NOL10: variants seen among roughly 807,000 people sequenced by gnomAD.
NOL10 encodes the protein H_NH0074G24.1.
A neutral mutation model predicts 103.5 loss-of-function variants in NOL10; 58 were observed. The observed-to-expected ratio is 0.56, with a 90% confidence interval of 0.45 to 0.70. The LOEUF (loss-of-function observed/expected upper bound fraction) is 0.70, where lower values mean the gene tolerates loss of function less well. NOL10 is among the 30% of genes least tolerant of loss of function. NOL10 has a pLI of 0.00. For synonymous variants in NOL10, 287 were observed against 282.5 expected, an observed-to-expected ratio of 1.02 and a Z score of -0.16; for missense variants, 763 against 807.3, an observed-to-expected ratio of 0.95 and a Z score of 0.67.
At chr2:10,643,011 T>G (rs1678818450) in intron 13 of NOL10, among the ~76,000 whole-genome samples, 1 of 152,218 alleles carries the variant, frequency 6.6e-6, no homozygotes, top group African/African-American at 2.4e-5. Flanking sequence ...ACACAGTTGA[T>G]GTAGTCCATA....
At chr2:10,678,772 T>C (rs1205085205) in intron 3 of NOL10, among the ~76,000 whole-genome samples, 5 of 152,086 alleles carry the variant, frequency 3.3e-5, no homozygotes, top group African/African-American at 1.2e-4. Context: ...CCAAATTAAA[T>C]GGAGAAGCAA....
Position 10,607,214 on chromosome 2 carries a change from A to C in NOL10, c.1124T>G (p.Phe375Cys). Residue 375 changes from phenylalanine (F) to cysteine (C), a missense_variant, in exon 14 of 21, where the codon TTT becomes TGT. Physicochemically the swap from Phe to Cys is radical, Grantham distance 205. Coordinates refer to ENST00000381685, the MANE Select transcript of NOL10 (RefSeq NM_024894.4). ...ATTTTCAAGGTCTTTCTTGGTGACA[A>C]ATTTATAATCATCATAGACTGTGCT... ...PESTVYDDYK[F>C]VTKKDLENLG... The C allele has an allele frequency of 6.3e-7, 1 of 1,589,774 alleles. No individual in the cohort carries two copies. Among genetic ancestry groups the C allele is most frequent in the East Asian group, 2.3e-5 (1 of 44,432 alleles).
intron 2 of NOL10, among the ~76,000 whole-genome samples, chr2:10,683,592 T>C (rs1681937958): frequency 6.6e-6 from 1 of 152,190 alleles, no homozygotes. Context: ...ACCTGAGCCA[T>C]TTCTCAGGGT....
At chr2:10,687,194 A>AGTTTAATATTTTAT (rs1682275633) in intron 1 of NOL10, among the ~76,000 whole-genome samples, 1 of 152,142 alleles carries the variant, frequency 6.6e-6, no homozygotes, top group Non-Finnish European at 1.5e-5. Flanking sequence ...ATTAAACAGG[A>AGTTTAATATTTTAT]CAAGCAGGGG....
Position 10,681,942 on chromosome 2 carries a change from A to G in NOL10, c.211+29T>C, listed in dbSNP as rs373451132. The G allele has an allele frequency of 7.2e-5, 77 of 1,063,604 alleles. No individual in the cohort carries two copies. In the African/African-American group the frequency reaches 1.2e-3, roughly 17 times the overall value. 65.9% of individuals were successfully genotyped at this position (1,063,604 alleles called of 1,614,324 possible). ...CGCAGCATTTCCTGGTACAAAATGC[A>G]TGAAAATCATAACCAAAAAGATGCT... On this transcript the variant is annotated intron_variant, in intron 3 of 20. Coordinates refer to ENST00000381685, the MANE Select transcript of NOL10 (RefSeq NM_024894.4).
chr2:10,634,505 G>A (rs1425097385), intron 13 of NOL10: 1 of 456,688 alleles, frequency 2.2e-6, no homozygotes, highest in South Asian at 1.5e-5. Flanking sequence ...AGACATCCAA[G>A]TGGAGAAGCC....
chr2:10,625,726 A>T (rs1470105125), intron 13 of NOL10, among the ~76,000 whole-genome samples: 1 of 151,184 alleles, frequency 6.6e-6, no homozygotes, highest in Admixed American at 6.6e-5. Context: ...CCACCCCCAC[A>T]AAAAAAAAGC....
chr2:10,685,489 C>A (rs1219900064), intron 1 of NOL10, among the ~76,000 whole-genome samples: 2 of 2,830 alleles, frequency 7.1e-4, no homozygotes, highest in Non-Finnish European at 3.8e-3. Context: ...GAGACTCCGT[C>A]CCCCCCCCCC....
intron 3 of NOL10, among the ~76,000 whole-genome samples, chr2:10,678,861 C>G (rs1040963417): frequency 6.6e-6 from 1 of 152,190 alleles, no homozygotes; most frequent in Non-Finnish European, 1.5e-5. Flanking sequence ...CTGGACTCTA[C>G]AATTGTGCTG....
intron 20 of NOL10, among the ~76,000 whole-genome samples, chr2:10,573,063 C>CAAAA (rs113673930): frequency 5.5e-5 from 8 of 145,720 alleles, no homozygotes; most frequent in East Asian, 4.0e-4. Flanking sequence ...AGGTAAAGCT[C>CAAAA]AAAAAAAAAA....
At chr2:10,627,709 C>A (rs951212566) in intron 13 of NOL10, among the ~76,000 whole-genome samples, 12 of 147,098 alleles carry the variant, frequency 8.2e-5, no homozygotes, top group African/African-American at 2.5e-4. Flanking sequence ...CAAAAAAAAA[C>A]AAACAACAAC....
intron 19 of NOL10, among the ~76,000 whole-genome samples, chr2:10,587,438 G>C (rs1000743961): frequency 1.3e-5 from 2 of 150,018 alleles, no homozygotes; most frequent in African/African-American, 2.5e-5. Context: ...ACCCAGCTAA[G>C]TTTTATATTT....
intron 8 of NOL10, among the ~76,000 whole-genome samples, chr2:10,666,434 C>T (rs970907529): frequency 1.3e-5 from 2 of 151,932 alleles, no homozygotes; most frequent in East Asian, 3.9e-4. Context: ...GCAACCTCCG[C>T]CCCCCTGCCT....
At chr2:10,610,407 T>C (rs910638489) in intron 13 of NOL10, among the ~76,000 whole-genome samples, 9 of 152,250 alleles carry the variant, frequency 5.9e-5, no homozygotes, top group African/African-American at 1.9e-4. Context: ...GGTCTAGTTA[T>C]GGTAAATAAT....
intron 3 of NOL10, among the ~76,000 whole-genome samples, chr2:10,677,067 T>C (rs1681357604): frequency 6.6e-6 from 1 of 151,860 alleles, no homozygotes; most frequent in African/African-American, 2.4e-5. Flanking sequence ...GCCTCCCAAG[T>C]AGCTGGGATT....
chr2:10,684,481 T>A, intron 2 of NOL10, 86 bp downstream of exon 2: 2 of 1,056,472 alleles, frequency 1.9e-6, no homozygotes, highest in Admixed American at 2.7e-5. Flanking sequence ...TTCTTATAAA[T>A]CCTCACTTAT....
chr2:10,664,383 A>G (rs1680442213), intron 8 of NOL10, among the ~76,000 whole-genome samples: 1 of 151,910 alleles, frequency 6.6e-6, no homozygotes, highest in Admixed American at 6.6e-5. Context: ...AGCCGAGTCC[A>G]GCCTGGGAAA....
chr2:10,589,785 T>A, intron 17 of NOL10, 34 bp from the exon 18 acceptor site: 5 of 1,326,108 alleles, frequency 3.8e-6, no homozygotes, highest in Non-Finnish European at 5.0e-6. Flanking sequence ...AAAATTTAAG[T>A]TAATATCTGA....
intron 13 of NOL10, among the ~76,000 whole-genome samples, chr2:10,630,421 A>G (rs1273691173): frequency 6.6e-6 from 1 of 152,182 alleles, no homozygotes; most frequent in Admixed American, 6.5e-5. Context: ...GACCTTAAAC[A>G]ATAACTTGCA....
Sources: allele counts gnomAD v4.1 joint callset (sites outside exome capture counted in the v4.1 genomes callset), GRCh38; gene constraint gnomAD v4.1.1; transcripts MANE v1.5; gene names NCBI Gene and HGNC (gene_info 2026-07-23, HGNC 2026-07-21).